The following NCAM2 variants were observed in gnomAD, a reference collection of about 807,000 sequenced individuals.
The protein encoded by NCAM2 is N-CAM-2.
A neutral mutation model predicts 98.1 loss-of-function variants in NCAM2; 30 were observed. That is an observed-to-expected ratio of 0.31 (90% CI 0.23 to 0.41). The LOEUF (loss-of-function observed/expected upper bound fraction) is 0.41, where lower values mean the gene tolerates loss of function less well. Among genes scored for constraint, NCAM2 ranks in the 10% least tolerant of loss-of-function variants. NCAM2 has a pLI of 1.00. For missense variants in NCAM2, 867 were observed against 1,005.8 expected, an observed-to-expected ratio of 0.86 and a Z score of 1.87; for synonymous variants, 368 against 342.4, an observed-to-expected ratio of 1.07 and a Z score of -0.83.
At chr21:21,120,533 T>G (rs748862549) in intron 1 of NCAM2, among the ~76,000 whole-genome samples, 8 of 152,088 alleles carry the variant, frequency 5.3e-5, no homozygotes, top group Non-Finnish European at 1.0e-4. Context: ...AGGTGACTGA[T>G]TAAGCCTGCG....
intron 1 of NCAM2, among the ~76,000 whole-genome samples, chr21:21,259,093 C>T (rs1350861834): frequency 2.0e-5 from 3 of 152,086 alleles, no homozygotes; most frequent in African/African-American, 7.2e-5. Context: ...GGAGAAGGTG[C>T]TCTTCACACT....
chr21:21,297,604 A>T (rs1350371888), intron 5 of NCAM2, among the ~76,000 whole-genome samples: 1 of 151,776 alleles, frequency 6.6e-6, no homozygotes, highest in African/African-American at 2.4e-5. Flanking sequence ...ATACACAAAC[A>T]TGCCCACTTA....
intron 16 of NCAM2, among the ~76,000 whole-genome samples, chr21:21,524,423 G>GAA (rs34970781): frequency 5.4e-5 from 7 of 129,026 alleles, no homozygotes; most frequent in Admixed American, 7.8e-5. Context: ...TCAGCAAGCA[G>GAA]AAAAAAAAAA....
intron 1 of NCAM2, among the ~76,000 whole-genome samples, chr21:21,257,816 C>A (rs538772692): frequency 4.6e-5 from 7 of 152,104 alleles, no homozygotes; most frequent in Non-Finnish European, 1.0e-4. Context: ...TTCCTGACCT[C>A]GTGATCTGCC....
chr21:21,378,296 A>T (rs1228908040), intron 9 of NCAM2, among the ~76,000 whole-genome samples: 1 of 151,884 alleles, frequency 6.6e-6, no homozygotes, highest in East Asian at 1.9e-4. Flanking sequence ...GCCAATTTAC[A>T]TTCCCAACAA....
intron 1 of NCAM2, among the ~76,000 whole-genome samples, chr21:21,034,607 T>C (rs1024258241): frequency 4.6e-5 from 7 of 152,152 alleles, no homozygotes; most frequent in African/African-American, 1.7e-4. Context: ...GAAGAAAAAT[T>C]TCAACTACTC....
chr21:21,213,524 A>G (rs898891594), intron 1 of NCAM2, among the ~76,000 whole-genome samples: 1 of 152,164 alleles, frequency 6.6e-6, no homozygotes, highest in African/African-American at 2.4e-5. Context: ...AATTTTCAAG[A>G]TAAAGGCACT....
intron 1 of NCAM2, among the ~76,000 whole-genome samples, chr21:21,018,876 G>A (rs1358479208): frequency 6.6e-6 from 1 of 152,126 alleles, no homozygotes; most frequent in Non-Finnish European, 1.5e-5. Context: ...AACTAGCATT[G>A]AATGGTTCTA....
chr21:21,495,989 T>C (rs1055127205), intron 15 of NCAM2, among the ~76,000 whole-genome samples: 3 of 145,158 alleles, frequency 2.1e-5, no homozygotes, highest in Non-Finnish European at 4.5e-5. Flanking sequence ...TGTATGTGTG[T>C]GTGTATATAT....
At chr21:21,270,343 G>C (rs1212606924) in intron 1 of NCAM2, among the ~76,000 whole-genome samples, 1 of 152,144 alleles carries the variant, frequency 6.6e-6, no homozygotes, top group East Asian at 1.9e-4. Flanking sequence ...CATAAGCACA[G>C]ATTGGTTGAC....
At chr21:21,027,764 A>G (rs2064581628) in intron 1 of NCAM2, among the ~76,000 whole-genome samples, 2 of 152,016 alleles carry the variant, frequency 1.3e-5, no homozygotes, top group Admixed American at 1.3e-4. Flanking sequence ...GTTAATATAC[A>G]TTATTTTGTA....
chr21:21,213,137 A>G (rs2069730031), intron 1 of NCAM2, among the ~76,000 whole-genome samples: 1 of 152,194 alleles, frequency 6.6e-6, no homozygotes. Flanking sequence ...GTTAATCTAT[A>G]AGAATTATGA....
At chr21:21,083,179 T>G (rs1601317906) in intron 1 of NCAM2, among the ~76,000 whole-genome samples, 2 of 152,190 alleles carry the variant, frequency 1.3e-5, no homozygotes, top group Admixed American at 6.5e-5. Context: ...TATTCCCAGC[T>G]TCTTAACGTG....
intron 6 of NCAM2, among the ~76,000 whole-genome samples, 188 bp downstream of exon 6, chr21:21,324,688 C>A (rs2074467208): frequency 6.6e-6 from 1 of 151,898 alleles, no homozygotes. Context: ...ACAGTGTGAC[C>A]CCGCTCTAAT....
chr21:21,511,264 TC>T (rs1295364750), intron 16 of NCAM2, among the ~76,000 whole-genome samples: 2 of 151,990 alleles, frequency 1.3e-5, no homozygotes, highest in East Asian at 1.9e-4. Flanking sequence ...TCCTACTTAA[TC>T]CCCCATTCCC....
At chr21:21,192,094 G>A (rs943281060) in intron 1 of NCAM2, among the ~76,000 whole-genome samples, 6 of 152,006 alleles carry the variant, frequency 3.9e-5, no homozygotes, top group East Asian at 1.9e-4. Flanking sequence ...ATGGTGGCGC[G>A]CTGCTCTAAT....
At chr21:21,161,486 C>T (rs1349277706) in intron 1 of NCAM2, among the ~76,000 whole-genome samples, 1 of 151,278 alleles carries the variant, frequency 6.6e-6, no homozygotes, top group Non-Finnish European at 1.5e-5. Context: ...AGATGATAGC[C>T]CACTGAAGCT....
At chr21:21,115,255 T>A (rs1016945230) in intron 1 of NCAM2, among the ~76,000 whole-genome samples, 1 of 152,224 alleles carries the variant, frequency 6.6e-6, no homozygotes, top group Admixed American at 6.5e-5. Flanking sequence ...GAAATAATTT[T>A]ATTAGAGCTT....
intron 1 of NCAM2, among the ~76,000 whole-genome samples, chr21:21,100,212 T>G (rs1004608295): frequency 1.3e-5 from 2 of 151,984 alleles, no homozygotes; most frequent in East Asian, 1.9e-4. Flanking sequence ...AGTTCATGCA[T>G]TTGGTATTTG....
Sources: gnomAD v4.1 joint callset for allele counts (sites outside exome capture counted in the v4.1 genomes callset) on GRCh38, gnomAD v4.1.1 for gene constraint, MANE v1.5 for transcripts, NCBI Gene and HGNC (gene_info 2026-07-23, HGNC 2026-07-21) for gene names.